Variants in KANTR observed in about 807,000 individuals in gnomAD.
The protein encoded by KANTR is KDM5C adjacent transcript.
chrX:53,125,023 A>C (rs943652499), exon 3 of KANTR: 9 of 111,892 alleles, frequency 8.0e-5, no homozygotes, highest in African/African-American at 2.9e-4. Flanking sequence ...TTAATGTTCA[A>C]CTGTAATGGT....
downstream of KANTR, among the ~76,000 whole-genome samples, chrX:53,130,705 C>T (rs1416166186): frequency 9.0e-6 from 1 of 111,437 alleles, no homozygotes; most frequent in Non-Finnish European, 1.9e-5. Context: ...ACTTTTGCGA[C>T]GAGGGGATTG....
At chrX:53,102,984 G>GTTTTTTTTT (rs150831481) in intron 2 of KANTR, among the ~76,000 whole-genome samples, 2 of 73,876 alleles carry the variant, frequency 2.7e-5, no homozygotes, top group Non-Finnish European at 2.6e-5. Context: ...TGTTTTGTTT[G>GTTTTTTTTT]TTTTTTTTTT....
chrX:53,142,530 G>A (rs367986293), exon 3 of KANTR: 11 of 231,370 alleles, frequency 4.8e-5, no homozygotes, highest in South Asian at 1.5e-4. Flanking sequence ...TGGCCAGGCC[G>A]GTCTCAAACT....
At chrX:53,145,348 G>A (rs1386422434), downstream of KANTR, among the ~76,000 whole-genome samples, 3 of 112,012 alleles carry the variant, frequency 2.7e-5, no homozygotes, top group African/African-American at 9.7e-5. Context: ...AGCTCACCAG[G>A]AGATTATATC....
chrX:53,138,258 AG>A (rs1317562022), intron 2 of KANTR, among the ~76,000 whole-genome samples: 1 of 107,774 alleles, frequency 9.3e-6, no homozygotes, highest in Admixed American at 9.9e-5. Flanking sequence ...AGTAGAGACA[AG>A]GTTTCTCCAC....
At chrX:53,138,147 C>G (rs1039079013) in intron 2 of KANTR, among the ~76,000 whole-genome samples, 4 of 109,696 alleles carry the variant, frequency 3.6e-5, no homozygotes, top group African/African-American at 1.3e-4. Flanking sequence ...CGGCTAACCA[C>G]AACCTCCGCC....
intron 2 of KANTR, among the ~76,000 whole-genome samples, chrX:53,105,467 C>G (rs782635511): frequency 3.0e-5 from 3 of 99,874 alleles, no homozygotes; most frequent in African/African-American, 1.1e-4. Flanking sequence ...GATTATGTGT[C>G]TTTTTATTAT....
At chrX:53,097,835 G>C (rs1349024824) in intron 1 of KANTR, among the ~76,000 whole-genome samples, 3 of 105,745 alleles carry the variant, frequency 2.8e-5, no homozygotes, top group Non-Finnish European at 5.8e-5. Context: ...CAGATCACCT[G>C]AGGTCGGGAG....
At chrX:53,094,828 A>G (rs1408359221) in intron 1 of KANTR, 1 of 112,138 alleles carries the variant, frequency 8.9e-6, no homozygotes, top group African/African-American at 3.2e-5. Context: ...GAAAATTTTC[A>G]ATAAATAATG....
At chrX:53,111,366 C>A (rs1193029803) in intron 2 of KANTR, among the ~76,000 whole-genome samples, 2 of 111,037 alleles carry the variant, frequency 1.8e-5, no homozygotes, top group African/African-American at 6.5e-5. Context: ...AACAACTTAA[C>A]TTTGAGTGCA....
At chrX:53,142,924 C>CACACCGAGT, downstream of KANTR, 1 of 696,522 alleles carries the variant, frequency 1.4e-6, no homozygotes, top group South Asian at 2.2e-5. Context: ...ACCACCAATC[C>CACACCGAGT]ACACCGAGTA....
At chrX:53,124,243 T>C (rs1933264888) in exon 3 of KANTR, 1 of 295,301 alleles carries the variant, frequency 3.4e-6, no homozygotes, top group Non-Finnish European at 5.9e-6. Flanking sequence ...AAGTTTCCTT[T>C]TTATTCTGTG....
downstream of KANTR, among the ~76,000 whole-genome samples, chrX:53,131,523 A>G (rs2146751989): frequency 8.9e-6 from 1 of 112,498 alleles, no homozygotes; most frequent in African/African-American, 3.2e-5. Context: ...CCATATGATT[A>G]TTGCAATAAA....
chrX:53,104,369 GGC>G (rs1556812358), intron 2 of KANTR, among the ~76,000 whole-genome samples: 1 of 109,908 alleles, frequency 9.1e-6, no homozygotes, highest in Admixed American at 9.8e-5. Context: ...TGGGATTACA[GGC>G]GCACACCACC....
downstream of KANTR, chrX:53,143,948 G>T (rs782148921): frequency 4.8e-5 from 15 of 314,483 alleles, no homozygotes; most frequent in Admixed American, 6.8e-4. Context: ...GTGGAGCCAT[G>T]GGAAGACACG....
At chrX:53,121,406 ACATTTAT>A (rs1242637749) in intron 2 of KANTR, among the ~76,000 whole-genome samples, 2 of 112,354 alleles carry the variant, frequency 1.8e-5, no homozygotes, top group Non-Finnish European at 3.8e-5. Context: ...TCACTGTAGT[ACATTTAT>A]CAAAAATAAG....
intron 2 of KANTR, among the ~76,000 whole-genome samples, chrX:53,138,661 C>T (rs185923710): frequency 4.7e-5 from 5 of 106,050 alleles, no homozygotes; most frequent in South Asian, 4.3e-4. Flanking sequence ...GCTAAGATTG[C>T]GCCATTGCAC....
At chrX:53,143,235 G>T, downstream of KANTR, 1 of 633,906 alleles carries the variant, frequency 1.6e-6, no homozygotes, top group Non-Finnish European at 2.7e-6. Context: ...GGAGGATGTG[G>T]CAGTGGCCAT....
At chrX:53,122,788 C>T (rs2146744189) in intron 2 of KANTR, among the ~76,000 whole-genome samples, 1 of 112,014 alleles carries the variant, frequency 8.9e-6, no homozygotes, top group East Asian at 2.8e-4. Flanking sequence ...CTTGTATAAA[C>T]ACAACTTGGT....
Sources: allele counts gnomAD v4.1 joint callset (sites outside exome capture counted in the v4.1 genomes callset), GRCh38; gene constraint gnomAD v4.1.1; transcripts MANE v1.5; gene names NCBI Gene and HGNC (gene_info 2026-07-23, HGNC 2026-07-21).